Variants in CA5B observed in about 807,000 individuals in gnomAD.
The protein encoded by CA5B is carbonic anhydrase 5B, mitochondrial.
CA5B carries 15 observed loss-of-function variants against 23.1 expected under a neutral mutation model. That is an observed-to-expected ratio of 0.65 (90% CI 0.43 to 1.00). CA5B has a LOEUF of 1.00. CA5B is among the 50% of genes least tolerant of loss of function. The pLI is 0.00. For missense variants in CA5B, 236 were observed against 252.2 expected (o/e 0.94, Z 0.43); for synonymous variants, 84 against 98.5 (o/e 0.85, Z 0.87).
chrX:15,742,268 G>A (rs1004814007), intron 1 of CA5B, among the ~76,000 whole-genome samples: 1 of 112,583 alleles, frequency 8.9e-6, no homozygotes, highest in Non-Finnish European at 1.9e-5. Context: ...TCCCTAAAGG[G>A]TTTTCCTACT....
chrX:15,739,111 A>G (rs1931068459), intron 1 of CA5B, among the ~76,000 whole-genome samples: 1 of 112,404 alleles, frequency 8.9e-6, no homozygotes, highest in Non-Finnish European at 1.9e-5. Context: ...TATTGATGTC[A>G]GTGCCCTTCC....
At chrX:15,781,340 C>T (rs1216770473) in intron 7 of CA5B, among the ~76,000 whole-genome samples, 1 of 111,960 alleles carries the variant, frequency 8.9e-6, no homozygotes, top group Admixed American at 9.5e-5. Context: ...GATACTGCAG[C>T]CACATCAGAG....
intron 1 of CA5B, among the ~76,000 whole-genome samples, chrX:15,740,657 CTCTT>C (rs765082271): frequency 7.2e-5 from 8 of 111,831 alleles, no homozygotes; most frequent in Non-Finnish European, 1.1e-4. Context: ...GGAGGGGATT[CTCTT>C]TCTATCTGTA....
At chrX:15,779,271 C>T (rs746672371) in intron 7 of CA5B, among the ~76,000 whole-genome samples, 30 of 111,583 alleles carry the variant, frequency 2.7e-4, no homozygotes, top group Non-Finnish European at 5.3e-4. Flanking sequence ...AGAGCAAATT[C>T]AGCCTTCCTC....
At position 15,782,450 on chromosome X, in the gene CA5B, T is replaced by C. The variant is rs371652730; in HGVS notation, c.775-35T>C. On this transcript the variant is annotated intron_variant, in intron 7 of 7. Transcript: ENST00000318636. ...TTCACGAGGTAAAGCGAGTTTTCTG[T>C]TGAAATTATTTATGCTTTCTGTTTC... 3.4e-5 allele frequency: 39 copies of C among 1,157,902 alleles called. No individual in the cohort carries two copies. In the African/African-American group the frequency reaches 6.2e-4, roughly 18 times the overall value.
At chrX:15,774,143 T>C (rs1002705775) in intron 4 of CA5B, 159 bp from the exon 5 acceptor site, 3 of 472,029 alleles carry the variant, frequency 6.4e-6, no homozygotes, top group African/African-American at 5.0e-5. Context: ...CTTCCTGATC[T>C]TTGTTTCTAT....
intron 2 of CA5B, among the ~76,000 whole-genome samples, chrX:15,750,771 C>T (rs1458405666): frequency 8.9e-6 from 1 of 112,140 alleles, no homozygotes; most frequent in African/African-American, 3.2e-5. Flanking sequence ...AATGGTCTTC[C>T]TCACACCTCT....
intron 4 of CA5B, among the ~76,000 whole-genome samples, chrX:15,772,926 G>A (rs190922715): frequency 2.7e-5 from 3 of 111,777 alleles, no homozygotes; most frequent in East Asian, 2.8e-4. Flanking sequence ...GCAAGTTTGC[G>A]GTGGTGGGAG....
At chrX:15,755,184 C>T (rs1351829815) in intron 2 of CA5B, among the ~76,000 whole-genome samples, 1 of 111,753 alleles carries the variant, frequency 8.9e-6, no homozygotes, top group Non-Finnish European at 1.9e-5. Flanking sequence ...ATGCAAGTAA[C>T]CTTGAGAAAA....
chrX:15,775,637 G>T (rs1243555458), intron 6 of CA5B: 5 of 790,559 alleles, frequency 6.3e-6, no homozygotes, highest in Non-Finnish European at 6.0e-6. Flanking sequence ...CCATCCCACA[G>T]GCAGGGAGCA....
At chrX:15,741,101 C>T (rs1239790880) in intron 1 of CA5B, among the ~76,000 whole-genome samples, 3 of 109,144 alleles carry the variant, frequency 2.7e-5, no homozygotes, top group Non-Finnish European at 5.7e-5. Context: ...GGAGTCTCGC[C>T]CTGTCACCTA....
In CA5B at chrX:15,788,146, A is replaced by G. The variant is rs770728014; in HGVS notation, c.*5482A>G. On this transcript the variant is annotated 3_prime_UTR_variant, in exon 8 of 8. Coordinates refer to ENST00000318636, the MANE Select transcript of CA5B (RefSeq NM_007220.4). ...CTCCAACTAGAGAGTTTAGTTTAAG[A>G]TTTAGTCAAGAAGCAGAAAGGTAAA... 8.9e-6 allele frequency: 1 copy of G among 111,965 alleles called. No homozygotes were observed. Among genetic ancestry groups the G allele is most frequent in the Non-Finnish European group, 1.9e-5 (1 of 53,229 alleles). 9.2% of individuals were successfully genotyped at this position (111,965 alleles called of 1,213,427 possible).
chrX:15,762,281 A>G (rs1271357116), intron 2 of CA5B, among the ~76,000 whole-genome samples: 2 of 109,374 alleles, frequency 1.8e-5, no homozygotes, highest in Non-Finnish European at 1.9e-5. Flanking sequence ...AAAAAAAAAA[A>G]GGTATTGACT....
chrX:15,760,772 A>G (rs1276221193), intron 2 of CA5B, among the ~76,000 whole-genome samples: 3 of 111,583 alleles, frequency 2.7e-5, no homozygotes, highest in Non-Finnish European at 5.6e-5. Flanking sequence ...AATCTTTACA[A>G]ACAGAATCAG....
chrX:15,779,988 G>T (rs1393157049), intron 7 of CA5B, among the ~76,000 whole-genome samples: 2 of 111,186 alleles, frequency 1.8e-5, no homozygotes, highest in Non-Finnish European at 3.8e-5. Flanking sequence ...TTATTTTCTG[G>T]TCTAACTGTA....
intron 1 of CA5B, among the ~76,000 whole-genome samples, chrX:15,747,331 C>T (rs748047896): frequency 4.6e-4 from 51 of 111,715 alleles, no homozygotes; most frequent in Non-Finnish European, 8.1e-4. Context: ...TCCTCCAAAG[C>T]TCATAGGTTA....
chrX:15,774,831 C>G (rs1319293236), intron 5 of CA5B, among the ~76,000 whole-genome samples: 1 of 111,541 alleles, frequency 9.0e-6, no homozygotes, highest in African/African-American at 3.3e-5. Context: ...GAGCGAGACT[C>G]CATCCCCCCC....
chrX:15,750,204 C>T, intron 2 of CA5B, 39 bp downstream of exon 2: 1 of 1,027,950 alleles, frequency 9.7e-7, no homozygotes, highest in East Asian at 3.1e-5. Flanking sequence ...AAAAAGGGCT[C>T]CAGCCTGAGT....
chrX:15,775,220 A>T, intron 5 of CA5B, 26 bp from the exon 6 acceptor site: 2 of 1,120,597 alleles, frequency 1.8e-6, no homozygotes, highest in Non-Finnish European at 2.4e-6. Flanking sequence ...ATTGTTTGTA[A>T]TATTTTCTTA....
Sources: gnomAD v4.1 joint callset for allele counts (sites outside exome capture counted in the v4.1 genomes callset) on GRCh38, gnomAD v4.1.1 for gene constraint, MANE v1.5 for transcripts, NCBI Gene and HGNC (gene_info 2026-07-23, HGNC 2026-07-21) for gene names.